LOC400499: variants seen among roughly 807,000 people sequenced by gnomAD.
chr16:11,399,632 G>A, the LOC400499 span: 64 of 398,444 alleles, frequency 1.6e-4, no homozygotes, highest in Non-Finnish European at 2.5e-4. Flanking sequence ...TACATGACCT[G>A]GGGGGCCAGC....
At chr16:11,499,003 C>G in the LOC400499 span, among the ~76,000 whole-genome samples, 1 of 124,540 alleles carries the variant, frequency 8.0e-6, no homozygotes, top group African/African-American at 3.1e-5. Flanking sequence ...GGTTTGTGCT[C>G]TTAGTTACTG....
the LOC400499 span, chr16:11,384,200 A>G: frequency 8.2e-7 from 1 of 1,226,772 alleles, no homozygotes; most frequent in Non-Finnish European, 1.0e-6. Flanking sequence ...CAGGACAGGC[A>G]GGTGCACCCG....
the LOC400499 span, among the ~76,000 whole-genome samples, chr16:11,475,143 T>C: frequency 1.3e-5 from 2 of 152,096 alleles, no homozygotes; most frequent in Non-Finnish European, 2.9e-5. Context: ...ACCCTCCCTC[T>C]TTCCCCTCCA....
At chr16:11,512,195 T>C in the LOC400499 span, among the ~76,000 whole-genome samples, 1 of 151,350 alleles carries the variant, frequency 6.6e-6, no homozygotes, top group Admixed American at 6.6e-5. Context: ...GGCAGGAGAA[T>C]TGCTTGAGCC....
chr16:11,504,561 CCA>C, the LOC400499 span, among the ~76,000 whole-genome samples: 4 of 150,252 alleles, frequency 2.7e-5, no homozygotes, highest in Non-Finnish European at 4.4e-5. Context: ...GTCCCCCCCC[CCA>C]AAAAAAAGAC....
At chr16:11,499,550 C>G in the LOC400499 span, among the ~76,000 whole-genome samples, 550 of 152,184 alleles carry the variant, frequency 3.6e-3, 4 homozygotes, top group African/African-American at 0.013. Flanking sequence ...GCCAACAACA[C>G]AGTCTACCTG....
At chr16:11,391,554 C>T in the LOC400499 span, 37 of 941,400 alleles carry the variant, frequency 3.9e-5, no homozygotes, top group Non-Finnish European at 1.4e-5. Context: ...GAAGCGAGGC[C>T]ACATTTCTGA....
chr16:11,494,234 G>A, the LOC400499 span, among the ~76,000 whole-genome samples: 1 of 150,442 alleles, frequency 6.6e-6, no homozygotes, highest in African/African-American at 2.4e-5. Context: ...TCGGGGTAGG[G>A]GCCAATTTCT....
At chr16:11,390,399 C>A in the LOC400499 span, 1 of 1,247,186 alleles carries the variant, frequency 8.0e-7, no homozygotes, top group South Asian at 3.9e-5. Context: ...CTCGCTCCCG[C>A]CACACCTCCT....
the LOC400499 span, among the ~76,000 whole-genome samples, chr16:11,412,469 C>T: frequency 3.3e-5 from 5 of 152,216 alleles, no homozygotes; most frequent in Non-Finnish European, 7.3e-5. Flanking sequence ...TCACCCCCTC[C>T]CTCACTGCTG....
the LOC400499 span, chr16:11,404,863 T>C: frequency 2.5e-6 from 1 of 398,870 alleles, no homozygotes; most frequent in East Asian, 3.6e-5. Flanking sequence ...GGAAGAGCGC[T>C]GAGCTGGAAG....
chr16:11,470,124 G>C, the LOC400499 span, among the ~76,000 whole-genome samples: 2 of 152,140 alleles, frequency 1.3e-5, no homozygotes, highest in African/African-American at 4.8e-5. Context: ...TGTTGGCCAG[G>C]CTGGTCTTGA....
At chr16:11,456,976 G>A in the LOC400499 span, 3,538 of 1,536,122 alleles carry the variant, frequency 2.3e-3, 8 homozygotes, top group Middle Eastern at 4.0e-3. Context: ...TAGGGCAGGC[G>A]GAGGCTCAAG....
chr16:11,486,749 TG>T, the LOC400499 span, among the ~76,000 whole-genome samples: 5 of 35,838 alleles, frequency 1.4e-4, no homozygotes, highest in African/African-American at 9.3e-4. Context: ...GGATAATGGG[TG>T]GGTGGGTGGA....
the LOC400499 span, among the ~76,000 whole-genome samples, chr16:11,437,581 G>A: frequency 6.6e-6 from 1 of 151,924 alleles, no homozygotes; most frequent in Non-Finnish European, 1.5e-5. Flanking sequence ...TAAAATTAAT[G>A]TTTGAGCTGG....
chr16:11,489,185 G>C, the LOC400499 span, among the ~76,000 whole-genome samples: 1 of 152,198 alleles, frequency 6.6e-6, no homozygotes, highest in Non-Finnish European at 1.5e-5. Context: ...GTGTGACCTT[G>C]GGGTGGTCCC....
the LOC400499 span, among the ~76,000 whole-genome samples, chr16:11,512,864 C>T: frequency 6.6e-6 from 1 of 152,142 alleles, no homozygotes; most frequent in Non-Finnish European, 1.5e-5. Flanking sequence ...GGAGGGCAGA[C>T]CAAGCTGGGA....
At chr16:11,451,833 C>G in the LOC400499 span, among the ~76,000 whole-genome samples, 2 of 152,120 alleles carry the variant, frequency 1.3e-5, no homozygotes, top group Non-Finnish European at 1.5e-5. Flanking sequence ...GACACAGTGA[C>G]GGGAAGGAGG....
At chr16:11,396,650 G>A in the LOC400499 span, 1 of 1,231,762 alleles carries the variant, frequency 8.1e-7, no homozygotes, top group Non-Finnish European at 1.0e-6. Context: ...CTGGCCCAGG[G>A]TGTGCTCCCC....
Sources: gnomAD v4.1 joint callset for allele counts (sites outside exome capture counted in the v4.1 genomes callset) on GRCh38, gnomAD v4.1.1 for gene constraint, MANE v1.5 for transcripts.